Variants in TM2D3 observed in about 807,000 individuals in gnomAD.
TM2D3 encodes TM2 domain containing 3, also known as TM2 domain-containing protein 3.
Under a neutral mutation model 27.3 loss-of-function variants are expected in TM2D3, and 33 were observed. That is an observed-to-expected ratio of 1.21 (90% confidence interval 0.92 to 1.61). The LOEUF is 1.61. TM2D3 is among the 40% of genes most tolerant of loss of function. The pLI is 0.00. For synonymous variants in TM2D3, 138 were observed against 122.2 expected (o/e 1.13, Z -0.85); for missense variants, 364 against 320.8 (o/e 1.13, Z -1.03).
At chr15:101,648,923 A>G (rs1164437160) in intron 3 of TM2D3, among the ~76,000 whole-genome samples, 1 of 152,236 alleles carries the variant, frequency 6.6e-6, no homozygotes, top group Non-Finnish European at 1.5e-5. Context: ...GATTGTGTGC[A>G]TGTGTAAGTT....
chr15:101,635,753 G>C (rs1246498765), intron 4 of TM2D3: 1 of 152,126 alleles, frequency 6.6e-6, no homozygotes, highest in Non-Finnish European at 1.5e-5. Flanking sequence ...GCCACATAGG[G>C]GCTCAGTACT....
At chr15:101,645,266 C>A (rs920688034) in intron 4 of TM2D3, 104 bp from the exon 5 acceptor site, 5 of 922,156 alleles carry the variant, frequency 5.4e-6, no homozygotes, top group Admixed American at 2.5e-5. Context: ...AAAGTCAACT[C>A]TCTTTACGGT....
At chr15:101,651,604 G>A (rs1896970015) in intron 2 of TM2D3, 92 bp downstream of exon 2, 2 of 1,253,348 alleles carry the variant, frequency 1.6e-6, no homozygotes, top group East Asian at 2.3e-5. Flanking sequence ...AATGGAAAGT[G>A]ACTTCGTATA....
At chr15:101,642,843 T>C (rs1283489462) in intron 5 of TM2D3, among the ~76,000 whole-genome samples, 199 bp from the exon 6 acceptor site, 2 of 152,222 alleles carry the variant, frequency 1.3e-5, no homozygotes, top group Non-Finnish European at 2.9e-5. Context: ...ATGTCAAAAG[T>C]AAACATACAA....
At chr15:101,641,759 T>A, downstream of TM2D3, 1 of 450,116 alleles carries the variant, frequency 2.2e-6, no homozygotes, top group African/African-American at 2.1e-5. Flanking sequence ...AGTAATGCCC[T>A]GAAAGATAAA....
intron 3 of TM2D3, among the ~76,000 whole-genome samples, chr15:101,649,250 G>C (rs149087798): frequency 2.0e-5 from 3 of 151,676 alleles, no homozygotes; most frequent in African/African-American, 7.3e-5. Flanking sequence ...TGTATTATTT[G>C]TCACATATTC....
At chr15:101,638,935 TC>T (rs1319822694), downstream of TM2D3, among the ~76,000 whole-genome samples, 1 of 152,202 alleles carries the variant, frequency 6.6e-6, no homozygotes, top group Non-Finnish European at 1.5e-5. Context: ...TTCATCAAAC[TC>T]CTAGTCACTG....
exon 5 of TM2D3, chr15:101,633,557 C>T: frequency 3.8e-6 from 3 of 791,798 alleles, no homozygotes; most frequent in Non-Finnish European, 5.8e-6. Context: ...ATCAGACCAT[C>T]TTTCTTCTTC....
Position 101,643,606 on chromosome 15 carries a change from AAAAAAAAAAAAAAAAAGC to A in TM2D3, c.579-980_579-963del, listed in dbSNP as rs1208798599. On this transcript the variant is annotated intron_variant, in intron 5 of 5. Coordinates refer to ENST00000333202, the MANE Select transcript of TM2D3 (RefSeq NM_078474.3). ...GACAGAGAGAGACTCCGTTAAAAAA[AAAAAAAAAAAAAAAAAGC>A]AAAAAAAAAAAAAAACCATGTTGAG... is the stretch of plus-strand genomic sequence containing the variant. 3.8e-4 allele frequency among the ~76,000 whole-genome samples: 49 copies of A among 130,492 alleles called. 1 individual carries two copies. In the East Asian group the frequency reaches 9.1e-3, roughly 24 times the overall value. The allele number at this position is 130,492 out of a possible 152,430, so 85.6% of individuals were successfully genotyped here.
chr15:101,641,967 C>T lies in TM2D3; in HGVS notation c.*512G>A, dbSNP rs1024769544. The T allele has an allele frequency of 2.0e-6, 2 of 985,398 alleles. No homozygotes were observed. Among genetic ancestry groups the T allele is most frequent in the South Asian group, 9.4e-5 (2 of 21,310 alleles). The allele number at this position is 985,398 out of a possible 1,614,324, so 61.0% of individuals were successfully genotyped here. ...AGTTTAATTCAAATTTTCATATATACAGACCAGACTACATATGTATTACAC... is the reference window on the plus strand; with the variant it reads ...AGTTTAATTCAAATTTTCATATATATAGACCAGACTACATATGTATTACAC... On this transcript the variant is annotated 3_prime_UTR_variant, in exon 6 of 6. Coordinates refer to ENST00000333202, the MANE Select transcript of TM2D3 (RefSeq NM_078474.3).
chr15:101,639,642 T>C (rs184850702), downstream of TM2D3, among the ~76,000 whole-genome samples: 76 of 152,302 alleles, frequency 5.0e-4, no homozygotes, highest in African/African-American at 1.8e-3. Context: ...TTTTAAAATC[T>C]TGAAGCATAA....
chr15:101,646,625 T>C, intron 4 of TM2D3, 100 bp downstream of exon 4: 1 of 1,304,908 alleles, frequency 7.7e-7, no homozygotes, highest in Non-Finnish European at 1.1e-6. Context: ...GATAAATGTT[T>C]CTAATTAAGT....
chr15:101,642,026 A>G lies in TM2D3; in HGVS notation c.*453T>C, dbSNP rs550691994. On this transcript the variant is annotated 3_prime_UTR_variant, in exon 6 of 6. Coordinates refer to ENST00000333202, the MANE Select transcript of TM2D3 (RefSeq NM_078474.3). ...TTACACATGACTGAAGCTGAGCCTA[A>G]TAACTTCAATTAGCCAACAACAGAA... is the stretch of plus-strand genomic sequence containing the variant. 7 of 986,366 alleles carry G rather than the reference A, an allele frequency of 7.1e-6. No individual in the cohort carries two copies. Among genetic ancestry groups the G allele is most frequent in the South Asian group, 4.6e-5 (1 of 21,644 alleles). The allele number at this position is 986,366 out of a possible 1,614,324, so 61.1% of individuals were successfully genotyped here. A position where few individuals can be genotyped will look rare whatever the true frequency, so the allele number is the denominator to read the frequency against.
At chr15:101,646,657 G>T (rs1437306234) in intron 4 of TM2D3, 68 bp downstream of exon 4, 1 of 1,585,668 alleles carries the variant, frequency 6.3e-7, no homozygotes, top group African/African-American at 1.3e-5. Flanking sequence ...CAAATTTCTG[G>T]TTAAAGTCCC....
downstream of TM2D3, among the ~76,000 whole-genome samples, chr15:101,639,899 G>C (rs1174004989): frequency 3.9e-5 from 6 of 152,148 alleles, no homozygotes; most frequent in East Asian, 1.9e-4. Flanking sequence ...ATTGTTCTAG[G>C]GACAATGGAG....
rs751386921 is a variant in TM2D3 at position 101,651,752 on chromosome 15, T to A, written c.113A>T (p.Gln38Leu). Residue 38 changes from glutamine (Q) to leucine (L), a missense_variant, in exon 2 of 6, where the codon CAG becomes CTG. By Grantham distance (113) the Gln-to-Leu change is moderately radical (BLOSUM62 -2). Coordinates refer to ENST00000333202, the MANE Select transcript of TM2D3 (RefSeq NM_078474.3). Reference sequence around the variant, plus strand: ...TGTTGGGCCCGGATCCTTTATTGACTGAGCCAGCGCCTGCGATTGCTCTAA... The same window carrying A: ...TGTTGGGCCCGGATCCTTTATTGACAGAGCCAGCGCCTGCGATTGCTCTAA... ...SGGEQSQALA[Q>L]SIKDPGPTRT... 1.2e-6 allele frequency: 2 copies of A among 1,614,222 alleles called. No homozygotes were observed. Among genetic ancestry groups the A allele is most frequent in the Non-Finnish European group, 1.7e-6 (2 of 1,180,020 alleles).
chr15:101,644,159 T>C (rs1391958001), intron 5 of TM2D3, among the ~76,000 whole-genome samples: 2 of 152,176 alleles, frequency 1.3e-5, no homozygotes, highest in Non-Finnish European at 2.9e-5. Flanking sequence ...CTTATTTTTG[T>C]TAGTCTCATT....
downstream of TM2D3, chr15:101,641,737 C>CT (rs1299845691): frequency 6.6e-6 from 2 of 303,576 alleles, no homozygotes; most frequent in Non-Finnish European, 9.7e-6. Context: ...AATTATGACT[C>CT]TGTTAGAATG....
At chr15:101,638,408 C>T (rs1417116472), downstream of TM2D3, among the ~76,000 whole-genome samples, 1 of 152,038 alleles carries the variant, frequency 6.6e-6, no homozygotes, top group Non-Finnish European at 1.5e-5. Flanking sequence ...AATTCTCCTG[C>T]CTCAGCCTCC....
Sources: gnomAD v4.1 joint callset for allele counts (sites outside exome capture counted in the v4.1 genomes callset) on GRCh38, gnomAD v4.1.1 for gene constraint, MANE v1.5 for transcripts, NCBI Gene and HGNC (gene_info 2026-07-23, HGNC 2026-07-21) for gene names.